Variants in OR6P1 observed in about 807,000 individuals in gnomAD.
The protein encoded by OR6P1 is olfactory receptor family 6 subfamily P member 1.
A neutral mutation model predicts 6.6 loss-of-function variants in OR6P1; 5 were observed. That is an observed-to-expected ratio of 0.76 (90% CI 0.40 to 1.60). OR6P1 has a LOEUF of 1.60. Among genes scored for constraint, OR6P1 ranks in the 40% most tolerant of loss-of-function variants. OR6P1 has a pLI of 0.02. For missense variants in OR6P1, 451 were observed against 383.0 expected, an observed-to-expected ratio of 1.18 and a Z score of -1.48; for synonymous variants, 177 against 149.6, an observed-to-expected ratio of 1.18 and a Z score of -1.33.
At chr1:158,568,565 G>A (rs1648154634) in intron 1 of OR6P1, among the ~76,000 whole-genome samples, 1 of 152,068 alleles carries the variant, frequency 6.6e-6, no homozygotes, top group Non-Finnish European at 1.5e-5. Context: ...AGCTCTTTAT[G>A]GGTTGGTCTT....
intron 2 of OR6P1, among the ~76,000 whole-genome samples, chr1:158,566,005 G>GACCT (rs1244391310): frequency 6.6e-6 from 1 of 152,102 alleles, no homozygotes; most frequent in Non-Finnish European, 1.5e-5. Context: ...GCAAACCACT[G>GACCT]ACCTGCAAAA....
chr1:158,567,393 C>T lies in OR6P1; in HGVS notation c.-117-535G>A, dbSNP rs1648125117. Among the ~76,000 whole-genome samples the T allele has an allele frequency of 4.0e-5, 6 of 149,546 alleles. No individual in the cohort carries two copies. In the South Asian group the frequency reaches 1.1e-3, roughly 27 times the overall value. ...ACAATAGCAAAGACTTGGAACCAAC[C>T]CAAATGTCCAACAATGATAGACTGG... On this transcript the variant is annotated intron_variant, in intron 1 of 2. Coordinates refer to ENST00000641540, the MANE Select transcript of OR6P1 (RefSeq NM_001160325.2).
intron 2 of OR6P1, among the ~76,000 whole-genome samples, chr1:158,564,147 TAGAG>T (rs1189162352): frequency 2.6e-5 from 4 of 152,206 alleles, no homozygotes; most frequent in African/African-American, 4.8e-5. Context: ...CATTTCCAAA[TAGAG>T]AGACAATTCA....
Position 158,563,367 on chromosome 1 carries a change from G to A in OR6P1, c.238C>T (p.Arg80Trp), listed in dbSNP as rs551351648. The change falls in exon 3 of 3, where the codon CGG becomes TGG. Residue 80 changes from arginine to tryptophan, a missense_variant. Physicochemically the swap from Arg to Trp is moderately radical, Grantham distance 101. Coordinates refer to ENST00000641540, the MANE Select transcript of OR6P1 (RefSeq NM_001160325.2). ...ELWYINVTIPRLLAAFLTQDG... is the reference protein window; with the variant it reads ...ELWYINVTIPWLLAAFLTQDG... ...TGGGTAAGAAAGGCTGCCAAGAGCC[G>A]AGGAATGGTGACATTGATGTACCAT... is the stretch of plus-strand genomic sequence containing the variant. 13 of 1,551,446 alleles carry A rather than the reference G, an allele frequency of 8.4e-6. No individual in the cohort carries two copies. The highest frequency in any genetic ancestry group is 7.3e-5 in the East Asian group (3 of 40,914).
At chr1:158,567,793 T>TAATTAATAAATAAATA (rs1553217364) in intron 1 of OR6P1, among the ~76,000 whole-genome samples, 1 of 147,230 alleles carries the variant, frequency 6.8e-6, no homozygotes, top group Non-Finnish European at 1.5e-5. Flanking sequence ...TAAAGTATAA[T>TAATTAATAAATAAATA]AATAAATAAA....
chr1:158,566,366 T>C (rs150075612), intron 2 of OR6P1, among the ~76,000 whole-genome samples: 23 of 152,196 alleles, frequency 1.5e-4, no homozygotes, highest in Admixed American at 1.5e-3. Flanking sequence ...AAAGAGAAGG[T>C]ATGAGTGGTA....
At chr1:158,567,836 C>G (rs1263202510) in intron 1 of OR6P1, among the ~76,000 whole-genome samples, 2 of 134,040 alleles carry the variant, frequency 1.5e-5, no homozygotes, top group African/African-American at 5.6e-5. Flanking sequence ...ACCACACACA[C>G]ACAAAAAAGA....
intron 2 of OR6P1, among the ~76,000 whole-genome samples, chr1:158,565,831 A>T (rs949263901): frequency 2.6e-5 from 4 of 152,202 alleles, no homozygotes; most frequent in Non-Finnish European, 5.9e-5. Flanking sequence ...TAGCTCCATG[A>T]ATGAAAGTTA....
chr1:158,566,266 TA>T (rs1557900887), intron 2 of OR6P1, among the ~76,000 whole-genome samples: 1 of 152,178 alleles, frequency 6.6e-6, no homozygotes, highest in African/African-American at 2.4e-5. Context: ...GGAAGATTTT[TA>T]TTTTTATTTT....
intron 2 of OR6P1, among the ~76,000 whole-genome samples, chr1:158,565,268 A>G (rs998680636): frequency 2.0e-5 from 3 of 152,138 alleles, no homozygotes; most frequent in South Asian, 2.1e-4. Flanking sequence ...TTTAAATGAA[A>G]CTATTAGATT....
intron 1 of OR6P1, among the ~76,000 whole-genome samples, chr1:158,567,499 A>G (rs1427709975): frequency 6.8e-6 from 1 of 147,394 alleles, no homozygotes; most frequent in Non-Finnish European, 1.5e-5. Context: ...TTGTAGGGAC[A>G]TGGATGAAAT....
chr1:158,563,545 C>A lies in OR6P1; in HGVS notation c.60G>T (p.Thr20=). The A allele has an allele frequency of 6.4e-7, 1 of 1,550,562 alleles. No homozygotes were observed. The highest frequency in any genetic ancestry group is 8.7e-7 in the Non-Finnish European group (1 of 1,146,636). Residue 20 remains threonine, a synonymous_variant, in exon 3 of 3, where the codon ACG becomes ACT. Coordinates refer to ENST00000641540, the MANE Select transcript of OR6P1 (RefSeq NM_001160325.2). The part of the protein sequence containing the change: ...EEFVLVGFPT[T]PPLQLLLFVL... Reference sequence around the variant, plus strand: ...CAAAGAGGAGCAGCTGGAGGGGAGGCGTGGTAGGGAAACCCACCAAGACAA... The same window carrying A: ...CAAAGAGGAGCAGCTGGAGGGGAGGAGTGGTAGGGAAACCCACCAAGACAA...
At chr1:158,568,653 C>A (rs1292429018) in intron 1 of OR6P1, among the ~76,000 whole-genome samples, 1 of 152,120 alleles carries the variant, frequency 6.6e-6, no homozygotes, top group African/African-American at 2.4e-5. Flanking sequence ...CAACATTACC[C>A]TCCCCTTTAC....
chr1:158,563,207 G>C lies in OR6P1; in HGVS notation c.398C>G (p.Pro133Arg). 6.4e-7 allele frequency: 1 copy of C among 1,551,510 alleles called. No homozygotes were observed. The highest frequency in any genetic ancestry group is 8.7e-7 in the Non-Finnish European group (1 of 1,146,956). The change falls in exon 3 of 3, where the codon CCT becomes CGT. Residue 133 changes from proline (P) to arginine (R), a missense_variant. Coordinates refer to ENST00000641540, the MANE Select transcript of OR6P1 (RefSeq NM_001160325.2). Reference protein sequence around the residue: ...YLAICGPLLYPSLMPSSLATR... With the variant: ...YLAICGPLLYRSLMPSSLATR... ...GGCCAGACTGGAAGGCATGAGACTAGGGTAAAGGAGGGGTCCACAGATGGC... is the reference window on the plus strand; with the variant it reads ...GGCCAGACTGGAAGGCATGAGACTACGGTAAAGGAGGGGTCCACAGATGGC...
rs1048772390 is a variant in OR6P1, at chr1:158,562,795, G to A, written c.810C>T (p.His270=). The A allele has an allele frequency of 6.4e-7, 1 of 1,552,088 alleles. No homozygotes were observed. Among genetic ancestry groups the A allele is most frequent in the African/African-American group, 1.4e-5 (1 of 72,940 alleles). Residue 270 remains histidine (H), a synonymous_variant, in exon 3 of 3, where the codon CAC becomes CAT. Transcript: ENST00000641540. ...ARPRAMYTFN[H]NKIISVLYTI... Reference sequence around the variant, plus strand: ...TGTAGAGCACAGAGATAATCTTGTTGTGGTTGAAGGTGTACATGGCCCGGG... The same window carrying A: ...TGTAGAGCACAGAGATAATCTTGTTATGGTTGAAGGTGTACATGGCCCGGG...
At position 158,562,762 on chromosome 1, in the gene OR6P1, A is replaced by G. The variant is rs1277745847; in HGVS notation, c.843T>C (p.Ile281=). ...NKIISVLYTI[I]VPFFNPAIYC... ...AGATGGCTGGGTTGAAGAATGGTAC[A>G]ATGATAGTGTAGAGCACAGAGATAA... The change falls in exon 3 of 3, where the codon ATT becomes ATC. Residue 281 remains isoleucine (I), a synonymous_variant. Transcript: ENST00000641540. 2 of 1,555,930 alleles carry G rather than the reference A, an allele frequency of 1.3e-6. No individual in the cohort carries two copies. The highest frequency in any genetic ancestry group is 2.4e-5 in the East Asian group (1 of 41,274).
In OR6P1 at chr1:158,563,066, T is replaced by C. The variant is rs1647998271; in HGVS notation, c.539A>G (p.Asp180Gly). 1.3e-6 allele frequency: 2 copies of C among 1,551,646 alleles called. No homozygotes were observed. Among genetic ancestry groups the C allele is most frequent in the South Asian group, 1.2e-5 (1 of 84,054 alleles). The change falls in exon 3 of 3, where the codon GAT becomes GGT. Residue 180 changes from aspartate (D) to glycine (G), a missense_variant. By Grantham distance (94) the Asp-to-Gly change is moderately conservative. Coordinates refer to ENST00000641540, the MANE Select transcript of OR6P1 (RefSeq NM_001160325.2). Reference protein sequence around the residue: ...GPNIINHFFCDISPLLNLTCS... With the variant: ...GPNIINHFFCGISPLLNLTCS... ...GGTGAGGTTGAGTAGTGGGGAAATA[T>C]CACAGAAAAAGTGGTTGATAATGTT...
chr1:158,562,664 TC>T lies in OR6P1; in HGVS notation c.940del (p.Asp314MetfsTer19). 1.9e-6 allele frequency: 3 copies of T among 1,550,054 alleles called. No homozygotes were observed. Among genetic ancestry groups the T allele is most frequent in the Non-Finnish European group, 2.6e-6 (3 of 1,144,694 alleles). ...ACCTGTTGTATATCAGTCCTGAACATCCCTAGGATAGTGACATCTGCCCATC... is the reference window on the plus strand; with the variant it reads ...ACCTGTTGTATATCAGTCCTGAACATCCTAGGATAGTGACATCTGCCCATC... ...TVMGRCHYPR[D>X]VQD On this transcript the variant is annotated frameshift_variant, in exon 3 of 3. Coordinates refer to ENST00000641540, the MANE Select transcript of OR6P1 (RefSeq NM_001160325.2). LOFTEE classifies it high-confidence loss of function.
chr1:158,566,223 T>G (rs1426973309), intron 2 of OR6P1, among the ~76,000 whole-genome samples: 2 of 152,182 alleles, frequency 1.3e-5, no homozygotes, highest in Non-Finnish European at 2.9e-5. Flanking sequence ...GATGAGAGAA[T>G]CAGTCCTTTG....
Sources: allele counts gnomAD v4.1 joint callset (sites outside exome capture counted in the v4.1 genomes callset), GRCh38; gene constraint gnomAD v4.1.1; transcripts MANE v1.5; gene names NCBI Gene and HGNC (gene_info 2026-07-23, HGNC 2026-07-21).